The following ESRRG variants were observed in gnomAD, a reference collection of about 807,000 sequenced individuals.
ESRRG encodes the protein estrogen related receptor gamma.
In ESRRG, 13 loss-of-function variants were observed where a neutral mutation model predicts 44.0. The observed-to-expected ratio is 0.30, with a 90% CI of 0.19 to 0.47. The LOEUF is 0.47. Among genes scored for constraint, ESRRG ranks in the 20% least tolerant of loss-of-function variants. The pLI is 1.00. For synonymous variants in ESRRG, 215 were observed against 214.6 expected, an observed-to-expected ratio of 1.00 and a Z score of -0.02; for missense variants, 395 against 580.6, an observed-to-expected ratio of 0.68 and a Z score of 3.29.
chr1:216,570,350 AAAGCAC>A (rs2060552159), intron 3 of ESRRG, among the ~76,000 whole-genome samples: 2 of 152,246 alleles, frequency 1.3e-5, no homozygotes. Context: ...TGCTGCTTTT[AAAGCAC>A]TCCATGCCTA....
intron 1 of ESRRG, among the ~76,000 whole-genome samples, chr1:217,066,462 C>T (rs2089711328): frequency 6.6e-6 from 1 of 151,634 alleles, no homozygotes; most frequent in Non-Finnish European, 1.5e-5. Flanking sequence ...AGGATGGTCT[C>T]GATCTCCTGA....
chr1:216,513,317 A>G (rs1324681159), intron 6 of ESRRG, among the ~76,000 whole-genome samples: 1 of 152,214 alleles, frequency 6.6e-6, no homozygotes. Flanking sequence ...AGAAATATCA[A>G]GGAAGCCTTT....
chr1:217,040,431 C>T (rs1031430270), intron 1 of ESRRG, among the ~76,000 whole-genome samples: 3 of 152,176 alleles, frequency 2.0e-5, no homozygotes, highest in Admixed American at 1.3e-4. Context: ...TTTTCTACAT[C>T]ACCTGCCCTT....
rs55716294 is a variant in ESRRG, at chr1:216,547,253, TTGATGATGA to T, written c.862+16957_862+16965del. The stretch of plus-strand genomic sequence containing the variant: ...ATGTAGCTGGATGATGTTGATGTTG[TTGATGATGA>T]TGATGATGATGATGATACCAAAATC... On this transcript the variant is annotated intron_variant, in intron 5 of 6. Coordinates refer to ENST00000408911, the MANE Select transcript of ESRRG (RefSeq NM_001438.4). 5.3e-5 allele frequency among the ~76,000 whole-genome samples: 8 copies of T among 150,862 alleles called. No individual in the cohort carries two copies. The East Asian group carries it at 1.6e-3, about 30-fold the overall frequency.
Position 216,677,488 on chromosome 1 carries a change from A to T in ESRRG, c.60T>A (p.Leu20=), listed in dbSNP as rs748321546. 1 of 1,603,526 alleles carries T rather than the reference A, an allele frequency of 6.2e-7. No homozygotes were observed. Among genetic ancestry groups the T allele is most frequent in the South Asian group, 1.1e-5 (1 of 89,592 alleles). The change falls in exon 2 of 7, where the codon CTT becomes CTA. Residue 20 remains leucine, a synonymous_variant. Transcript: ENST00000408911. ...GATCTTTGTTTGACATTCTGCAGAG[A>T]AGCCTGAGATTGAGGAGATACAAAG... The part of the protein sequence containing the change: ...ESFSLHYEEE[L]LCRMSNKDRH...
chr1:216,967,964 T>C (rs2070812345), intron 1 of ESRRG, among the ~76,000 whole-genome samples: 1 of 152,190 alleles, frequency 6.6e-6, no homozygotes, highest in Non-Finnish European at 1.5e-5. Flanking sequence ...TATTTCATTG[T>C]TGTTTTAATT....
chr1:217,032,196 A>G (rs1289739276), intron 1 of ESRRG, among the ~76,000 whole-genome samples: 1 of 152,218 alleles, frequency 6.6e-6, no homozygotes, highest in Non-Finnish European at 1.5e-5. Context: ...CTACCTGTTG[A>G]ATTTTTGCCT....
chr1:216,773,655 T>C (rs1317934342), intron 2 of ESRRG, among the ~76,000 whole-genome samples: 1 of 152,128 alleles, frequency 6.6e-6, no homozygotes, highest in African/African-American at 2.4e-5. Flanking sequence ...AGGTCTTTCA[T>C]GAAGAAAAAG....
intron 1 of ESRRG, among the ~76,000 whole-genome samples, chr1:217,128,385 T>C (rs2092918161): frequency 6.6e-6 from 1 of 152,202 alleles, no homozygotes; most frequent in Non-Finnish European, 1.5e-5. Flanking sequence ...GTTTCTCTGC[T>C]CTCTGACTCC....
chr1:216,588,612 G>A (rs993742234), intron 3 of ESRRG, among the ~76,000 whole-genome samples: 6 of 152,158 alleles, frequency 3.9e-5, no homozygotes, highest in Non-Finnish European at 7.4e-5. Context: ...ATTCTGTGCT[G>A]TAAGTATAGG....
At chr1:216,523,069 A>G (rs1186298493) in intron 5 of ESRRG, among the ~76,000 whole-genome samples, 1 of 152,122 alleles carries the variant, frequency 6.6e-6, no homozygotes, top group Non-Finnish European at 1.5e-5. Flanking sequence ...TTGGTGTGTG[A>G]CAGGTTATAG....
chr1:216,750,434 A>T (rs909957557), intron 2 of ESRRG, among the ~76,000 whole-genome samples: 1 of 152,072 alleles, frequency 6.6e-6, no homozygotes, highest in Non-Finnish European at 1.5e-5. Context: ...TTCTTCAGTT[A>T]ATAGTTTGTG....
chr1:216,954,072 A>G (rs1461399024), intron 1 of ESRRG, among the ~76,000 whole-genome samples: 2 of 152,122 alleles, frequency 1.3e-5, no homozygotes, highest in Non-Finnish European at 2.9e-5. Flanking sequence ...GAGAAGATAA[A>G]TATCTCTAAA....
At chr1:216,848,138 G>T (rs1265142290) in intron 2 of ESRRG, among the ~76,000 whole-genome samples, 1 of 152,054 alleles carries the variant, frequency 6.6e-6, no homozygotes, top group East Asian at 1.9e-4. Context: ...GGTAATGGTG[G>T]GAGGTGAAAT....
At chr1:216,975,976 A>C (rs917566325) in intron 1 of ESRRG, among the ~76,000 whole-genome samples, 1 of 152,170 alleles carries the variant, frequency 6.6e-6, no homozygotes, top group African/African-American at 2.4e-5. Flanking sequence ...GCTGCTTTCC[A>C]TGACAAATCC....
chr1:217,106,133 G>A (rs1386745213), intron 1 of ESRRG, among the ~76,000 whole-genome samples: 1 of 152,182 alleles, frequency 6.6e-6, no homozygotes, highest in Non-Finnish European at 1.5e-5. Context: ...AAAGTGCTGA[G>A]ATAAGGTTGA....
At chr1:216,721,326 C>A (rs543711941) in intron 1 of ESRRG, among the ~76,000 whole-genome samples, 2 of 152,220 alleles carry the variant, frequency 1.3e-5, no homozygotes, top group East Asian at 1.9e-4. Flanking sequence ...GGGGTTTAAC[C>A]CGGTACAATT....
intron 2 of ESRRG, among the ~76,000 whole-genome samples, chr1:216,881,020 A>T (rs765737313): frequency 3.8e-4 from 58 of 152,192 alleles, no homozygotes; most frequent in African/African-American, 1.4e-3. Flanking sequence ...CCACGGGGAA[A>T]ATCCCTAAAA....
At chr1:216,871,326 G>C (rs2096256422) in intron 2 of ESRRG, among the ~76,000 whole-genome samples, 1 of 151,834 alleles carries the variant, frequency 6.6e-6, no homozygotes, top group Admixed American at 6.6e-5. Flanking sequence ...AATTTTGTGA[G>C]GTCAGAGAAC....
Sources: gnomAD v4.1 joint callset for allele counts (sites outside exome capture counted in the v4.1 genomes callset) on GRCh38, gnomAD v4.1.1 for gene constraint, MANE v1.5 for transcripts, NCBI Gene and HGNC (gene_info 2026-07-23, HGNC 2026-07-21) for gene names.